The following BMERB1 variants were observed in gnomAD, a reference collection of about 807,000 sequenced individuals.
BMERB1 encodes the protein bMERB domain containing 1.
In BMERB1, 12 loss-of-function variants were observed where a neutral mutation model predicts 23.6. The observed-to-expected ratio is 0.51, with a 90% CI of 0.33 to 0.82. BMERB1 has a LOEUF of 0.82. Among genes scored for constraint, BMERB1 ranks in the 40% least tolerant of loss-of-function variants. The pLI is 0.03. For synonymous variants in BMERB1, 122 were observed against 96.6 expected (o/e 1.26, Z -1.54); for missense variants, 247 against 255.4 (o/e 0.97, Z 0.22).
intron 5 of BMERB1, among the ~76,000 whole-genome samples, chr16:15,585,129 C>G (rs2031109744): frequency 6.6e-6 from 1 of 152,244 alleles, no homozygotes; most frequent in African/African-American, 2.4e-5. Context: ...GGGCAATGAT[C>G]TCTTCTGCTG....
At position 15,561,248 on chromosome 16, in the gene BMERB1, C is replaced by T. The variant is rs573726440; in HGVS notation, c.231-6735C>T. On this transcript the variant is annotated intron_variant, in intron 2 of 5. Transcript: ENST00000300006. ...CTAGGATTACAGGTGTGAGCCACCA[C>T]GCCGGCCATTTTTTTTTTTTTTTTT... 2.4e-4 allele frequency among the ~76,000 whole-genome samples: 34 copies of T among 143,770 alleles called. 1 individual carries two copies. The South Asian group carries it at 7.5e-3, about 32-fold the overall frequency. 94.3% of individuals were successfully genotyped at this position (143,770 alleles called of 152,430 possible).
intron 1 of BMERB1, among the ~76,000 whole-genome samples, chr16:15,491,907 ATGT>A (rs1388377371): frequency 6.6e-6 from 1 of 152,060 alleles, no homozygotes; most frequent in African/African-American, 2.4e-5. Context: ...CACCTAAATG[ATGT>A]TGTTTGTTTA....
At chr16:15,559,739 G>A (rs1175143063) in intron 2 of BMERB1, among the ~76,000 whole-genome samples, 3 of 152,152 alleles carry the variant, frequency 2.0e-5, no homozygotes, top group Admixed American at 6.5e-5. Flanking sequence ...CGGGGGACAA[G>A]CTTCTTTCTT....
At chr16:15,534,905 C>A (rs2052011273) in intron 2 of BMERB1, among the ~76,000 whole-genome samples, 1 of 152,168 alleles carries the variant, frequency 6.6e-6, no homozygotes, top group Admixed American at 6.5e-5. Context: ...TAATTCCAAG[C>A]AAAAACCATT....
At chr16:15,446,660 T>C (rs2050992575) in intron 1 of BMERB1, among the ~76,000 whole-genome samples, 1 of 152,220 alleles carries the variant, frequency 6.6e-6, no homozygotes, top group African/African-American at 2.4e-5. Context: ...TTAATTCTGC[T>C]ACCTTCCTAA....
At chr16:15,434,834 C>G in intron 1 of BMERB1, 75 bp downstream of exon 1, 2 of 1,309,230 alleles carry the variant, frequency 1.5e-6, no homozygotes, top group Non-Finnish European at 2.1e-6. Flanking sequence ...GTCGCGGGAG[C>G]GCGAGGAACG....
At chr16:15,505,018 C>T (rs200479762) in intron 1 of BMERB1, among the ~76,000 whole-genome samples, 1 of 152,082 alleles carries the variant, frequency 6.6e-6, no homozygotes, top group East Asian at 1.9e-4. Flanking sequence ...ATGGCTGATT[C>T]CTCTTTGAGT....
At chr16:15,486,861 G>A (rs1191775698) in intron 1 of BMERB1, among the ~76,000 whole-genome samples, 3 of 152,144 alleles carry the variant, frequency 2.0e-5, no homozygotes, top group Admixed American at 1.3e-4. Context: ...CTGTGCCTTC[G>A]TTTTGTCATC....
intron 1 of BMERB1, among the ~76,000 whole-genome samples, chr16:15,441,991 G>A (rs2050943220): frequency 6.6e-6 from 1 of 152,290 alleles, no homozygotes; most frequent in East Asian, 1.9e-4. Context: ...GGTGTGACAA[G>A]GGCCCCATGG....
chr16:15,496,185 ATGG>A (rs758717036), intron 1 of BMERB1, among the ~76,000 whole-genome samples: 24 of 151,530 alleles, frequency 1.6e-4, no homozygotes, highest in Non-Finnish European at 2.6e-4. Context: ...AATGACAGTG[ATGG>A]TGGTGATAGT....
At chr16:15,466,869 C>G (rs1210966797) in intron 1 of BMERB1, among the ~76,000 whole-genome samples, 1 of 152,168 alleles carries the variant, frequency 6.6e-6, no homozygotes, top group Non-Finnish European at 1.5e-5. Context: ...TTGCCCCATT[C>G]AACCCCTAGC....
At chr16:15,509,006 C>T (rs2051625722) in intron 1 of BMERB1, among the ~76,000 whole-genome samples, 1 of 151,958 alleles carries the variant, frequency 6.6e-6, no homozygotes, top group South Asian at 2.1e-4. Flanking sequence ...CAACATAGGT[C>T]TTTGTTCCAT....
chr16:15,473,786 G>A (rs974157663), intron 1 of BMERB1, among the ~76,000 whole-genome samples: 2 of 152,008 alleles, frequency 1.3e-5, no homozygotes, highest in Admixed American at 6.6e-5. Flanking sequence ...TGGTTTCAAA[G>A]GAGAACTTGA....
In BMERB1 at chr16:15,587,611, C is replaced by A; in HGVS notation, c.*782C>A. The A allele has an allele frequency of 2.3e-6, 1 of 436,156 alleles. No homozygotes were observed. 27.0% of individuals were successfully genotyped at this position (436,156 alleles called of 1,614,324 possible). The stretch of plus-strand genomic sequence containing the variant: ...AGGCCAGAGCAGTTGAGAATGGGAC[C>A]CAGAGTAGATGCTGACCTGGGCACT... On this transcript the variant is annotated 3_prime_UTR_variant, in exon 6 of 6. Coordinates refer to ENST00000300006, the MANE Select transcript of BMERB1 (RefSeq NM_033201.3).
At chr16:15,475,962 T>G (rs749352661) in intron 1 of BMERB1, among the ~76,000 whole-genome samples, 3 of 152,098 alleles carry the variant, frequency 2.0e-5, no homozygotes, top group Non-Finnish European at 4.4e-5. Flanking sequence ...CTCCAGCCCC[T>G]CTGAAGGTGG....
chr16:15,523,994 A>G (rs1275370254), intron 2 of BMERB1, among the ~76,000 whole-genome samples: 1 of 152,062 alleles, frequency 6.6e-6, no homozygotes, highest in East Asian at 1.9e-4. Flanking sequence ...CCTTGATTTT[A>G]TTATGATGAT....
At chr16:15,518,662 C>T (rs78372514) in intron 2 of BMERB1, among the ~76,000 whole-genome samples, 2,580 of 152,192 alleles carry the variant, frequency 0.017, 77 homozygotes, top group African/African-American at 0.06. Context: ...GTGTCCTGTT[C>T]TTATCTCCAT....
chr16:15,511,903 C>T (rs2051670767), intron 1 of BMERB1, among the ~76,000 whole-genome samples: 2 of 149,604 alleles, frequency 1.3e-5, no homozygotes, highest in Admixed American at 6.8e-5. Flanking sequence ...GATCCACATA[C>T]TTGGGAGGCT....
chr16:15,528,542 C>G (rs2051932077), intron 2 of BMERB1, among the ~76,000 whole-genome samples: 1 of 152,008 alleles, frequency 6.6e-6, no homozygotes, highest in Admixed American at 6.6e-5. Context: ...TTTCTTCATC[C>G]ATTCCTCACC....
Sources: allele counts gnomAD v4.1 joint callset (sites outside exome capture counted in the v4.1 genomes callset), GRCh38; gene constraint gnomAD v4.1.1; transcripts MANE v1.5; gene names NCBI Gene and HGNC (gene_info 2026-07-23, HGNC 2026-07-21).